CCDC146: variants seen among roughly 807,000 people sequenced by gnomAD.
CCDC146 encodes the protein coiled-coil domain-containing protein 146.
Under a neutral mutation model 119.3 loss-of-function variants are expected in CCDC146, and 92 were observed. The ratio of observed to expected loss-of-function variants is 0.77; its 90% CI spans 0.65 to 0.92. The LOEUF (loss-of-function observed/expected upper bound fraction) is 0.92. Among genes scored for constraint, CCDC146 ranks in the 40% least tolerant of loss-of-function variants. The pLI is 0.00. For missense variants in CCDC146, 1,000 were observed against 1,103.0 expected (o/e 0.91, Z 1.32); for synonymous variants, 372 against 371.8 (o/e 1.00, Z -0.01).
chr7:77,134,812 C>T lies in CCDC146; in HGVS notation c.-12+12080C>T, dbSNP rs1413281382. ...CCTGAGCTGCTGGGATAGGTTCCAG[C>T]TAGCTGAGACCCTGAACTACAGTAA... On this transcript the variant is annotated intron_variant, in intron 1 of 18. Transcript: ENST00000285871. Among the ~76,000 whole-genome samples the T allele has an allele frequency of 2.6e-5, 4 of 152,206 alleles. No individual in the cohort carries two copies. The East Asian group carries it at 7.7e-4, about 29-fold the overall frequency.
At chr7:77,173,478 A>G (rs1791456124) in intron 2 of CCDC146, among the ~76,000 whole-genome samples, 1 of 151,794 alleles carries the variant, frequency 6.6e-6, no homozygotes, top group African/African-American at 2.4e-5. Flanking sequence ...AAAATACAAA[A>G]ATTAGCCAGG....
intron 2 of CCDC146, among the ~76,000 whole-genome samples, chr7:77,209,538 G>A (rs1265614356): frequency 6.6e-6 from 1 of 152,134 alleles, no homozygotes; most frequent in Non-Finnish European, 1.5e-5. Context: ...ATCATTCTGG[G>A]GCCTGGAGGA....
intron 1 of CCDC146, among the ~76,000 whole-genome samples, chr7:77,136,121 T>G (rs1472818443): frequency 3.3e-5 from 5 of 152,226 alleles, no homozygotes; most frequent in Admixed American, 6.5e-5. Context: ...GTATCAACGT[T>G]TGTGGAATGC....
intron 4 of CCDC146, among the ~76,000 whole-genome samples, chr7:77,247,701 T>C (rs1278999356): frequency 6.6e-6 from 1 of 152,194 alleles, no homozygotes; most frequent in Non-Finnish European, 1.5e-5. Flanking sequence ...AAAAAGTTCA[T>C]CACTAATCAG....
chr7:77,289,925 A>G (rs1327614887), intron 17 of CCDC146, among the ~76,000 whole-genome samples: 2 of 152,236 alleles, frequency 1.3e-5, no homozygotes, highest in Non-Finnish European at 2.9e-5. Flanking sequence ...TCATGCTGCT[A>G]TAAAGACACA....
chr7:77,247,772 T>G (rs754338016), intron 4 of CCDC146, among the ~76,000 whole-genome samples: 6 of 152,144 alleles, frequency 3.9e-5, no homozygotes, highest in Non-Finnish European at 7.4e-5. Flanking sequence ...TAGCTATTAT[T>G]AAAAAGATAA....
intron 2 of CCDC146, among the ~76,000 whole-genome samples, chr7:77,182,130 A>G (rs1367020104): frequency 6.6e-6 from 1 of 152,218 alleles, no homozygotes; most frequent in Non-Finnish European, 1.5e-5. Context: ...CACAAGAATT[A>G]CCTGACATTA....
intron 1 of CCDC146, among the ~76,000 whole-genome samples, chr7:77,147,629 G>T (rs1179401068): frequency 1.3e-5 from 2 of 152,152 alleles, no homozygotes; most frequent in African/African-American, 4.8e-5. Context: ...CCTTCTAACA[G>T]TCAGGACCCT....
intron 2 of CCDC146, among the ~76,000 whole-genome samples, chr7:77,206,420 G>A (rs1792080671): frequency 1.3e-5 from 2 of 152,006 alleles, no homozygotes; most frequent in African/African-American, 4.8e-5. Context: ...AGTTCAACCA[G>A]CCCGGCCAAT....
At chr7:77,226,224 C>G (rs967003022) in intron 2 of CCDC146, among the ~76,000 whole-genome samples, 1 of 152,104 alleles carries the variant, frequency 6.6e-6, no homozygotes, top group African/African-American at 2.4e-5. Context: ...GGGGAGCAGG[C>G]GAAAGGGAGA....
In CCDC146 at chr7:77,286,834, A is replaced by G. The variant is rs756287451; in HGVS notation, c.2185A>G (p.Lys729Glu). 1 of 1,613,898 alleles carries G rather than the reference A, an allele frequency of 6.2e-7. No homozygotes were observed. The highest frequency in any genetic ancestry group is 8.5e-7 in the Non-Finnish European group (1 of 1,179,774). The change falls in exon 16 of 19, where the codon AAA becomes GAA. Residue 729 changes from lysine to glutamate, a missense_variant. Lys to Glu is a moderately conservative substitution (Grantham distance 56, BLOSUM62 1). Transcript: ENST00000285871. Reference sequence around the variant, plus strand: ...TACAGACAGAATTAAAGACCTGGAGAAACAGTTCGTAAAGCCTGATGGTGA... The same window carrying G: ...TACAGACAGAATTAAAGACCTGGAGGAACAGTTCGTAAAGCCTGATGGTGA... ...QCTDRIKDLEKQFVKPDGENR... is the reference protein window; with the variant it reads ...QCTDRIKDLEEQFVKPDGENR...
At chr7:77,173,983 A>G (rs1381948548) in intron 2 of CCDC146, among the ~76,000 whole-genome samples, 1 of 152,054 alleles carries the variant, frequency 6.6e-6, no homozygotes, top group Non-Finnish European at 1.5e-5. Flanking sequence ...TCTCCTTTAA[A>G]TATGTATCTC....
intron 2 of CCDC146, among the ~76,000 whole-genome samples, chr7:77,191,943 G>A (rs1429804643): frequency 2.6e-5 from 4 of 151,596 alleles, no homozygotes; most frequent in African/African-American, 9.7e-5. Flanking sequence ...TACTTAGGAT[G>A]ATGATGATTT....
chr7:77,237,003 T>A lies in CCDC146; in HGVS notation c.213T>A (p.Tyr71Ter). 6.2e-7 allele frequency: 1 copy of A among 1,614,084 alleles called. No homozygotes were observed. The highest frequency in any genetic ancestry group is 1.3e-5 in the African/African-American group (1 of 75,036). Residue 71 changes from tyrosine to a stop codon, truncating the protein, a stop_gained, in exon 3 of 19, where the codon TAT becomes TAA. Transcript: ENST00000285871. LOFTEE classifies it high-confidence loss of function. ...GTRMAALKAK[Y>*]TLLHDAVMST... The stretch of plus-strand genomic sequence containing the variant: ...GAATGGCAGCGTTAAAAGCCAAGTA[T>A]ACCTTGCTGCATGACGCCGTGATGA...
At chr7:77,186,413 A>G (rs190479800) in intron 2 of CCDC146, among the ~76,000 whole-genome samples, 33 of 152,224 alleles carry the variant, frequency 2.2e-4, no homozygotes, top group African/African-American at 7.5e-4. Flanking sequence ...GCATGTTCTC[A>G]CTTATTTATG....
intron 2 of CCDC146, among the ~76,000 whole-genome samples, chr7:77,180,500 A>T (rs1197594051): frequency 6.6e-6 from 1 of 152,158 alleles, no homozygotes; most frequent in Non-Finnish European, 1.5e-5. Context: ...GGAGTTCAAG[A>T]CCAGTCTGGG....
chr7:77,242,280 C>T, intron 4 of CCDC146: 1 of 588,836 alleles, frequency 1.7e-6, no homozygotes, highest in Non-Finnish European at 2.2e-6. Context: ...GTGAGCACTT[C>T]TCCCCACATG....
intron 9 of CCDC146, among the ~76,000 whole-genome samples, chr7:77,262,578 C>G (rs1289996167): frequency 6.6e-6 from 1 of 152,162 alleles, no homozygotes; most frequent in Non-Finnish European, 1.5e-5. Context: ...CTATCCAGTT[C>G]TAGAAGAGCT....
intron 9 of CCDC146, among the ~76,000 whole-genome samples, chr7:77,269,268 C>T (rs541318008): frequency 4.6e-5 from 7 of 152,120 alleles, no homozygotes; most frequent in Admixed American, 3.9e-4. Flanking sequence ...CTTGTGCTCT[C>T]TTTGTTCTCT....
Sources: gnomAD v4.1 joint callset for allele counts (sites outside exome capture counted in the v4.1 genomes callset) on GRCh38, gnomAD v4.1.1 for gene constraint, MANE v1.5 for transcripts, NCBI Gene and HGNC (gene_info 2026-07-23, HGNC 2026-07-21) for gene names.